MAP2K6: variants seen among roughly 807,000 people sequenced by gnomAD.
MAP2K6 encodes dual specificity mitogen-activated protein kinase kinase 6.
A neutral mutation model predicts 53.7 loss-of-function variants in MAP2K6; 16 were observed. The observed-to-expected ratio is 0.30, with a 90% CI of 0.20 to 0.45. The LOEUF (loss-of-function observed/expected upper bound fraction) is 0.45, where lower values mean the gene tolerates loss of function less well. MAP2K6 is among the 20% of genes least tolerant of loss of function. MAP2K6 has a pLI of 1.00. For synonymous variants in MAP2K6, 132 were observed against 143.1 expected, an observed-to-expected ratio of 0.92 and a Z score of 0.55; for missense variants, 204 against 411.9, an observed-to-expected ratio of 0.50 and a Z score of 4.37.
intron 7 of MAP2K6, among the ~76,000 whole-genome samples, chr17:69,522,329 CA>C (rs1233703153): frequency 6.6e-6 from 1 of 152,034 alleles, no homozygotes; most frequent in Non-Finnish European, 1.5e-5. Context: ...AGATTATTCA[CA>C]ACTTTGAAAT....
In MAP2K6 at chr17:69,544,313, G is replaced by A. The variant is rs370773387; in HGVS notation, c.*2560G>A. 4 of 152,002 alleles carry A rather than the reference G, an allele frequency of 2.6e-5. No homozygotes were observed. Among genetic ancestry groups the A allele is most frequent in the Non-Finnish European group, 4.4e-5 (3 of 68,006 alleles). The allele number at this position is 152,002 out of a possible 1,614,324, so 9.4% of individuals were successfully genotyped here. On this transcript the variant is annotated 3_prime_UTR_variant, in exon 12 of 12. Coordinates refer to ENST00000590474, the MANE Select transcript of MAP2K6 (RefSeq NM_002758.4). ...TGCACTGTTATTAAATATCTTACAC[G>A]GTAAAGTCAAAAGAATGACCTGATA...
chr17:69,462,633 C>G (rs1452063458), intron 1 of MAP2K6, among the ~76,000 whole-genome samples: 1 of 152,148 alleles, frequency 6.6e-6, no homozygotes, highest in Non-Finnish European at 1.5e-5. Flanking sequence ...GTGATTAAGT[C>G]TCGGCCTCAT....
intron 1 of MAP2K6, among the ~76,000 whole-genome samples, chr17:69,476,644 G>T (rs1908160831): frequency 6.6e-6 from 1 of 152,200 alleles, no homozygotes; most frequent in South Asian, 2.1e-4. Context: ...CCTAAAGGCA[G>T]AGAAAGCAAA....
At chr17:69,535,940 G>A (rs1911334173) in intron 10 of MAP2K6, 175 bp from the exon 11 acceptor site, 1 of 561,368 alleles carries the variant, frequency 1.8e-6, no homozygotes, top group Non-Finnish European at 3.2e-6. Context: ...CACAACCAGG[G>A]TGATTTAAAA....
chr17:69,449,151 C>T (rs1240884026), intron 1 of MAP2K6, among the ~76,000 whole-genome samples: 1 of 152,202 alleles, frequency 6.6e-6, no homozygotes, highest in Non-Finnish European at 1.5e-5. Context: ...CACTTACTAG[C>T]TGTGTAGTCT....
At chr17:69,466,641 G>T (rs1413736117) in intron 1 of MAP2K6, among the ~76,000 whole-genome samples, 4 of 152,254 alleles carry the variant, frequency 2.6e-5, no homozygotes, top group Admixed American at 2.6e-4. Context: ...CAATCCCTGT[G>T]AATGCCGGGA....
chr17:69,432,798 G>A (rs1906507974), intron 1 of MAP2K6, among the ~76,000 whole-genome samples: 1 of 130,732 alleles, frequency 7.6e-6, no homozygotes, highest in Non-Finnish European at 1.6e-5. Context: ...CATGTATCCT[G>A]GAACCTAAAA....
chr17:69,487,315 C>T (rs1317687892), intron 1 of MAP2K6, among the ~76,000 whole-genome samples: 1 of 152,164 alleles, frequency 6.6e-6, no homozygotes, highest in Non-Finnish European at 1.5e-5. Flanking sequence ...GGACAAGGTC[C>T]TCGAAACAGA....
intron 1 of MAP2K6, among the ~76,000 whole-genome samples, chr17:69,470,144 G>T (rs1360165022): frequency 1.3e-5 from 2 of 152,128 alleles, no homozygotes; most frequent in Admixed American, 6.5e-5. Flanking sequence ...GGTAGAGTTT[G>T]CAGTGAGCCT....
chr17:69,530,421 G>A (rs1204161704), intron 10 of MAP2K6, among the ~76,000 whole-genome samples: 1 of 152,170 alleles, frequency 6.6e-6, no homozygotes. Context: ...GTCATTAAAA[G>A]ATAAATTTTC....
intron 1 of MAP2K6, among the ~76,000 whole-genome samples, chr17:69,426,756 C>T (rs537207561): frequency 3.3e-5 from 5 of 149,776 alleles, no homozygotes; most frequent in African/African-American, 1.2e-4. Context: ...TATCCAGTGG[C>T]ACAATAGAAC....
intron 1 of MAP2K6, among the ~76,000 whole-genome samples, chr17:69,491,995 A>C (rs1442352993): frequency 6.6e-6 from 1 of 151,984 alleles, no homozygotes; most frequent in Non-Finnish European, 1.5e-5. Context: ...CCACTTTTTA[A>C]TGGGGCTGTT....
At chr17:69,459,270 T>G in intron 1 of MAP2K6, among the ~76,000 whole-genome samples, 1 of 152,346 alleles carries the variant, frequency 6.6e-6, no homozygotes, top group East Asian at 1.9e-4. Context: ...GTTAATATTA[T>G]GTAGTTGATT....
chr17:69,524,401 G>A (rs1598310115), intron 8 of MAP2K6, among the ~76,000 whole-genome samples: 1 of 151,110 alleles, frequency 6.6e-6, no homozygotes, highest in East Asian at 1.9e-4. Context: ...ACCGTCATTA[G>A]CAGAGACCTT....
chr17:69,530,562 G>A (rs1478796719), intron 10 of MAP2K6, among the ~76,000 whole-genome samples: 1 of 152,088 alleles, frequency 6.6e-6, no homozygotes, highest in Non-Finnish European at 1.5e-5. Context: ...AATTTTATGA[G>A]CATTCTTACT....
chr17:69,477,088 A>C (rs1003156336), intron 1 of MAP2K6: 2 of 152,252 alleles, frequency 1.3e-5, no homozygotes, highest in African/African-American at 2.4e-5. Flanking sequence ...CCTGCTTTGG[A>C]CCACATTTCT....
At chr17:69,459,158 A>G (rs1907525591) in intron 1 of MAP2K6, among the ~76,000 whole-genome samples, 1 of 152,120 alleles carries the variant, frequency 6.6e-6, no homozygotes, top group Non-Finnish European at 1.5e-5. Context: ...ATTCAGGTTT[A>G]CTGTGATTTT....
Position 69,536,136 on chromosome 17 carries a change from A to T in MAP2K6, c.903A>T (p.Glu301Asp). 1.2e-6 allele frequency: 2 copies of T among 1,611,552 alleles called. No individual in the cohort carries two copies. Among genetic ancestry groups the T allele is most frequent in the Non-Finnish European group, 1.7e-6 (2 of 1,178,430 alleles). ...TAAGCTTAAAGAAGAATTCCAAAGAACGGCCTACATACCCAGAGCTAATGG... is the reference window on the plus strand; with the variant it reads ...TAAGCTTAAAGAAGAATTCCAAAGATCGGCCTACATACCCAGAGCTAATGG... ...TSQCLKKNSK[E>D]RPTYPELMQH... Residue 301 changes from glutamate (E) to aspartate (D), a missense_variant, in exon 11 of 12, where the codon GAA becomes GAT. Physicochemically the swap from Glu to Asp is conservative, Grantham distance 45 (BLOSUM62 2). Around this residue, in one of 3 missense-constraint regions of MAP2K6, gnomAD observed 47 missense variants for 62.3 expected, o/e 0.75. Transcript: ENST00000590474.
intron 10 of MAP2K6, among the ~76,000 whole-genome samples, chr17:69,531,573 A>G (rs1911087471): frequency 6.6e-6 from 1 of 152,208 alleles, no homozygotes; most frequent in South Asian, 2.1e-4. Context: ...CCACACCCAA[A>G]GTTAGACCTA....
Sources: gnomAD v4.1 joint callset for allele counts (sites outside exome capture counted in the v4.1 genomes callset) on GRCh38, gnomAD v4.1.1 for gene constraint, gnomAD v4.1.1 regional missense constraint, MANE v1.5 for transcripts, NCBI Gene and HGNC (gene_info 2026-07-23, HGNC 2026-07-21) for gene names.